The following FYN variants were observed in gnomAD, a reference collection of about 807,000 sequenced individuals.
The protein encoded by FYN is FYN proto-oncogene, Src family tyrosine kinase, also known as tyrosine-protein kinase Fyn.
FYN carries 10 observed loss-of-function variants against 70.2 expected under a neutral mutation model. The observed-to-expected ratio is 0.14, with a 90% confidence interval of 0.09 to 0.24. The LOEUF (loss-of-function observed/expected upper bound fraction) is 0.24, where lower values mean the gene tolerates loss of function less well. Ranked by LOEUF, FYN falls within the 10% of genes least tolerant of loss-of-function variation. FYN has a pLI of 1.00. For synonymous variants in FYN, 236 were observed against 248.6 expected (o/e 0.95, Z 0.48); for missense variants, 319 against 673.1 (o/e 0.47, Z 5.82).
chr6:111,775,041 G>A (rs1017579831), intron 3 of FYN, among the ~76,000 whole-genome samples: 25 of 152,102 alleles, frequency 1.6e-4, no homozygotes, highest in Admixed American at 1.6e-3. Flanking sequence ...ACTTAAATGA[G>A]CTATGCCTAC....
intron 2 of FYN, among the ~76,000 whole-genome samples, chr6:111,829,330 G>GA (rs1046707193): frequency 7.2e-5 from 11 of 152,268 alleles, no homozygotes; most frequent in African/African-American, 2.4e-4. Flanking sequence ...TGATGTGTGG[G>GA]AAAAATACCT....
chr6:111,823,554 T>C (rs1772740630), intron 2 of FYN, among the ~76,000 whole-genome samples: 1 of 152,196 alleles, frequency 6.6e-6, no homozygotes, highest in East Asian at 1.9e-4. Flanking sequence ...TTTCACATGT[T>C]GCTGAGGGCC....
intron 2 of FYN, among the ~76,000 whole-genome samples, chr6:111,832,522 A>C (rs1026463140): frequency 1.2e-4 from 18 of 152,174 alleles, no homozygotes. Context: ...CAATCTTCAC[A>C]TTCCGCATGT....
intron 3 of FYN, among the ~76,000 whole-genome samples, chr6:111,737,043 C>T (rs981707311): frequency 6.6e-6 from 1 of 152,218 alleles, no homozygotes; most frequent in African/African-American, 2.4e-5. Context: ...GGTTAATCAT[C>T]CATTCTTGTC....
intron 2 of FYN, among the ~76,000 whole-genome samples, chr6:111,840,945 C>T (rs555362810): frequency 2.0e-5 from 3 of 152,306 alleles, no homozygotes; most frequent in South Asian, 2.1e-4. Flanking sequence ...GAGAAAGCCT[C>T]GGTGTAAAAA....
chr6:111,679,294 C>T (rs1386038706), intron 12 of FYN, among the ~76,000 whole-genome samples: 2 of 152,216 alleles, frequency 1.3e-5, no homozygotes, highest in Non-Finnish European at 2.9e-5. Context: ...TTTCCTACTT[C>T]TATGCTGCCA....
At chr6:111,787,972 C>T (rs1771462512) in intron 2 of FYN, among the ~76,000 whole-genome samples, 1 of 152,172 alleles carries the variant, frequency 6.6e-6, no homozygotes, top group African/African-American at 2.4e-5. Context: ...TTTCCTCCTC[C>T]CTCATGCCTT....
chr6:111,812,820 T>C (rs1421002769), intron 2 of FYN, among the ~76,000 whole-genome samples: 13 of 151,884 alleles, frequency 8.6e-5, no homozygotes, highest in Non-Finnish European at 1.8e-4. Context: ...TTCCTCAGAG[T>C]AGTGTTTTGA....
chr6:111,788,952 T>A (rs934635911), intron 2 of FYN, among the ~76,000 whole-genome samples: 2 of 152,154 alleles, frequency 1.3e-5, no homozygotes, highest in African/African-American at 4.8e-5. Context: ...GCTAGAGTCC[T>A]TCTGGCTACA....
intron 2 of FYN, among the ~76,000 whole-genome samples, chr6:111,781,296 A>G (rs892949575): frequency 2.0e-5 from 3 of 152,132 alleles, no homozygotes; most frequent in African/African-American, 7.2e-5. Context: ...GGCCCAGTCC[A>G]GCCCCGCAAG....
intron 1 of FYN, among the ~76,000 whole-genome samples, chr6:111,849,314 A>G (rs555019985): frequency 6.6e-6 from 1 of 152,328 alleles, no homozygotes; most frequent in South Asian, 2.1e-4. Flanking sequence ...CAATCCTCCA[A>G]CATTGGGTGA....
intron 12 of FYN, among the ~76,000 whole-genome samples, chr6:111,683,088 T>C (rs1798844096): frequency 6.6e-6 from 1 of 152,218 alleles, no homozygotes; most frequent in Admixed American, 6.5e-5. Context: ...CAGCACCCTG[T>C]GAGGCGCTCC....
chr6:111,845,198 T>C (rs1451296474), intron 2 of FYN, among the ~76,000 whole-genome samples: 1 of 152,252 alleles, frequency 6.6e-6, no homozygotes, highest in Non-Finnish European at 1.5e-5. Context: ...GGCATTTCTT[T>C]GGGCTCCAAG....
intron 4 of FYN, 85 bp downstream of exon 4, chr6:111,719,720 A>C: frequency 6.9e-7 from 1 of 1,459,658 alleles, no homozygotes; most frequent in Non-Finnish European, 9.4e-7. Flanking sequence ...AGTCAAAGGG[A>C]AGTGATGGGA....
intron 3 of FYN, among the ~76,000 whole-genome samples, chr6:111,753,180 T>C (rs1208351522): frequency 6.6e-6 from 1 of 152,232 alleles, no homozygotes; most frequent in African/African-American, 2.4e-5. Context: ...TTTTAGCATT[T>C]GGTCTGATCC....
intron 2 of FYN, among the ~76,000 whole-genome samples, chr6:111,844,307 C>T (rs1187026599): frequency 6.6e-6 from 1 of 152,220 alleles, no homozygotes; most frequent in Non-Finnish European, 1.5e-5. Flanking sequence ...ACTTAAAAAT[C>T]CACATGAAGA....
At chr6:111,685,234 C>T (rs189925809) in intron 12 of FYN, among the ~76,000 whole-genome samples, 2 of 152,332 alleles carry the variant, frequency 1.3e-5, no homozygotes, top group Non-Finnish European at 2.9e-5. Context: ...AATCCAGCCA[C>T]CCCCAGAAGG....
intron 12 of FYN, among the ~76,000 whole-genome samples, chr6:111,688,439 A>T (rs1799133293): frequency 6.6e-6 from 1 of 152,228 alleles, no homozygotes; most frequent in African/African-American, 2.4e-5. Context: ...CATGTCTCAC[A>T]AGAGTGTGGG....
At chr6:111,665,210 C>T (rs573156947) in intron 13 of FYN, among the ~76,000 whole-genome samples, 8 of 152,120 alleles carry the variant, frequency 5.3e-5, no homozygotes, top group Admixed American at 3.3e-4. Flanking sequence ...ATTCCCTTTG[C>T]GTGTTATGTC....
Sources: allele counts gnomAD v4.1 joint callset (sites outside exome capture counted in the v4.1 genomes callset), GRCh38; gene constraint gnomAD v4.1.1; transcripts MANE v1.5; gene names NCBI Gene and HGNC (gene_info 2026-07-23, HGNC 2026-07-21).